The following JADE1 variants were observed in gnomAD, a reference collection of about 807,000 sequenced individuals.
JADE1 encodes jade family PHD finger 1, also known as protein Jade-1.
JADE1 carries 14 observed loss-of-function variants against 81.8 expected under a neutral mutation model. The ratio of observed to expected loss-of-function variants is 0.17; its 90% confidence interval spans 0.11 to 0.27. The LOEUF (loss-of-function observed/expected upper bound fraction) is 0.27. JADE1 is among the 10% of genes least tolerant of loss of function. The pLI is 1.00. For synonymous variants in JADE1, 353 were observed against 391.9 expected (o/e 0.90, Z 1.17); for missense variants, 690 against 1,047.9 (o/e 0.66, Z 4.71).
intron 10 of JADE1, among the ~76,000 whole-genome samples, chr4:128,869,025 C>A (rs750942259): frequency 2.0e-5 from 3 of 152,138 alleles, no homozygotes; most frequent in African/African-American, 7.2e-5. Flanking sequence ...GTTGTTATAA[C>A]CTGTTGTGTT....
intron 9 of JADE1, among the ~76,000 whole-genome samples, chr4:128,866,143 A>G (rs1697650237): frequency 6.6e-6 from 1 of 152,224 alleles, no homozygotes. Flanking sequence ...GAATTTCTAT[A>G]AAGGACACCT....
chr4:128,862,123 C>T lies in JADE1; in HGVS notation c.1401C>T (p.Ile467=). 2.5e-6 allele frequency: 4 copies of T among 1,614,190 alleles called. No individual in the cohort carries two copies. The highest frequency in any genetic ancestry group is 2.5e-6 in the Non-Finnish European group (3 of 1,180,032). ...KRKVNFNKPL[I]TPKKDEEDNL... is the part of the protein sequence containing the mutation. ...AGGTCAACTTCAACAAGCCCCTGAT[C>T]ACCCCAAAGAAAGATGAAGAGGACA... Residue 467 remains isoleucine (I), a synonymous_variant, in exon 9 of 11, where the codon ATC becomes ATT. Transcript: ENST00000226319.
chr4:128,858,642 G>A (rs908825208), intron 8 of JADE1, among the ~76,000 whole-genome samples: 2 of 147,998 alleles, frequency 1.4e-5, no homozygotes, highest in Non-Finnish European at 3.0e-5. Flanking sequence ...TCACTCTGTC[G>A]CCCAAGCTGG....
At chr4:128,819,744 CTG>C (rs1406543868) in intron 1 of JADE1, among the ~76,000 whole-genome samples, 3 of 152,234 alleles carry the variant, frequency 2.0e-5, no homozygotes, top group African/African-American at 4.8e-5. Flanking sequence ...AGTTAACAGA[CTG>C]TTGTTCATTG....
chr4:128,846,304 A>G lies in JADE1; in HGVS notation c.139-71A>G, dbSNP rs1729870673. ...TGTTACATGGCAGCTCCATGGTTACATTGCAGCTGCCAGCACTCTGAATAA... is the reference window on the plus strand; with the variant it reads ...TGTTACATGGCAGCTCCATGGTTACGTTGCAGCTGCCAGCACTCTGAATAA... On this transcript the variant is annotated intron_variant, in intron 3 of 10. Coordinates refer to ENST00000226319, the MANE Select transcript of JADE1 (RefSeq NM_199320.4). This position sits in a 1 kb window ranked among gnomAD's most constrained non-coding sequence, Gnocchi z 4.0. 7 of 1,428,902 alleles carry G rather than the reference A, an allele frequency of 4.9e-6. No individual in the cohort carries two copies. The South Asian group carries it at 6.1e-5, about 12-fold the overall frequency. The allele number at this position is 1,428,902 out of a possible 1,614,324, so 88.5% of individuals were successfully genotyped here.
At chr4:128,843,923 C>T (rs1729657502) in intron 3 of JADE1, among the ~76,000 whole-genome samples, 1 of 152,092 alleles carries the variant, frequency 6.6e-6, no homozygotes, top group Non-Finnish European at 1.5e-5. Context: ...ATAGCTTCCT[C>T]CATGAGGAAG....
intron 2 of JADE1, among the ~76,000 whole-genome samples, chr4:128,835,288 C>T (rs1440885479): frequency 6.6e-6 from 1 of 152,214 alleles, no homozygotes; most frequent in Non-Finnish European, 1.5e-5. Flanking sequence ...TGTCTGTCCA[C>T]GCTCAATGAT....
At chr4:128,852,733 T>C (rs1007110841) in intron 6 of JADE1, among the ~76,000 whole-genome samples, 1 of 152,216 alleles carries the variant, frequency 6.6e-6, no homozygotes, top group Non-Finnish European at 1.5e-5. Context: ...CTTGTGGTTC[T>C]GGAAACTAAA....
chr4:128,870,738 A>G (rs1732130462), intron 10 of JADE1, among the ~76,000 whole-genome samples: 1 of 152,240 alleles, frequency 6.6e-6, no homozygotes, highest in African/African-American at 2.4e-5. Flanking sequence ...TTGAATGACA[A>G]TTCAGTTGAA....
intron 1 of JADE1, among the ~76,000 whole-genome samples, chr4:128,810,760 G>A (rs1422978422): frequency 6.6e-6 from 1 of 151,534 alleles, no homozygotes; most frequent in African/African-American, 2.4e-5. Flanking sequence ...TGGAGGGACA[G>A]TTTGGCAATT....
chr4:128,857,208 T>C (rs1730869743), intron 7 of JADE1, 130 bp from the exon 8 acceptor site: 1 of 732,300 alleles, frequency 1.4e-6, no homozygotes. Flanking sequence ...AGGGTTTGCT[T>C]TGAGTGGGTG....
intron 1 of JADE1, among the ~76,000 whole-genome samples, chr4:128,814,843 G>T (rs1726851595): frequency 6.6e-6 from 1 of 151,766 alleles, no homozygotes; most frequent in Admixed American, 6.6e-5. Flanking sequence ...GATTACAGGC[G>T]TGAGCCACCG....
chr4:128,857,262 A>G, intron 7 of JADE1, 76 bp from the exon 8 acceptor site: 1 of 1,097,870 alleles, frequency 9.1e-7, no homozygotes, highest in Non-Finnish European at 1.4e-6. Flanking sequence ...AAAGTAATGG[A>G]TCTTTTAGTT....
intron 5 of JADE1, among the ~76,000 whole-genome samples, chr4:128,851,227 CT>C (rs1159092649): frequency 6.6e-6 from 1 of 152,144 alleles, no homozygotes; most frequent in Non-Finnish European, 1.5e-5. Context: ...GTGTTTCAGT[CT>C]TTTTTGCATT....
In JADE1 at chr4:128,873,137, TA is replaced by T. The variant is rs1732313596; in HGVS notation, c.*876del. 5 of 222,540 alleles carry T rather than the reference TA, an allele frequency of 2.2e-5. No homozygotes were observed. The South Asian group carries it at 2.8e-4, about 13-fold the overall frequency. The allele number at this position is 222,540 out of a possible 1,614,324, so 13.8% of individuals were successfully genotyped here. On this transcript the variant is annotated 3_prime_UTR_variant, in exon 11 of 11. Coordinates refer to ENST00000226319, the MANE Select transcript of JADE1 (RefSeq NM_199320.4). Reference sequence around the variant, plus strand: ...ATCTGGCTTCCAATAGTACAGTGGCTACTCAAGTTCAAGCGAAGAACTTCCA... The same window carrying T: ...ATCTGGCTTCCAATAGTACAGTGGCTCTCAAGTTCAAGCGAAGAACTTCCA...
intron 3 of JADE1, among the ~76,000 whole-genome samples, 165 bp downstream of exon 3, chr4:128,843,203 G>A (rs1013335434): frequency 6.6e-5 from 10 of 152,226 alleles, no homozygotes; most frequent in African/African-American, 2.4e-4. Context: ...TCATAGGATT[G>A]TTGTGAGGAT....
At chr4:128,840,873 C>T in intron 2 of JADE1, among the ~76,000 whole-genome samples, 1 of 152,224 alleles carries the variant, frequency 6.6e-6, no homozygotes, top group African/African-American at 2.4e-5. Flanking sequence ...AGCAGGAGCT[C>T]CAGTTCTGCT....
rs1729869547 is a variant in JADE1, at chr4:128,846,289, C to T, written c.139-86C>T. ...TTGATACAGTGACCTTGTTACATGGCAGCTCCATGGTTACATTGCAGCTGC... is the reference window on the plus strand; with the variant it reads ...TTGATACAGTGACCTTGTTACATGGTAGCTCCATGGTTACATTGCAGCTGC... On this transcript the variant is annotated intron_variant, in intron 3 of 10. Coordinates refer to ENST00000226319, the MANE Select transcript of JADE1 (RefSeq NM_199320.4). The surrounding 1 kb of genome is among the most constrained non-coding windows in gnomAD (Gnocchi z 4.0). 1 of 1,319,514 alleles carries T rather than the reference C, an allele frequency of 7.6e-7. No individual in the cohort carries two copies. Among genetic ancestry groups the T allele is most frequent in the Non-Finnish European group, 1.1e-6 (1 of 931,496 alleles). 81.7% of individuals were successfully genotyped at this position (1,319,514 alleles called of 1,614,324 possible).
At chr4:128,816,644 G>GGGCCAT (rs1004831594) in intron 1 of JADE1, among the ~76,000 whole-genome samples, 1 of 152,156 alleles carries the variant, frequency 6.6e-6, no homozygotes, top group Non-Finnish European at 1.5e-5. Context: ...ACTAGGAAAG[G>GGGCCAT]GGCCATGTAT....
Sources: allele counts gnomAD v4.1 joint callset (sites outside exome capture counted in the v4.1 genomes callset), GRCh38; gene constraint gnomAD v4.1.1; non-coding constraint Gnocchi (gnomAD v3.1); transcripts MANE v1.5; gene names NCBI Gene and HGNC (gene_info 2026-07-23, HGNC 2026-07-21).